Variants in FAM98B observed in about 807,000 individuals in gnomAD.
FAM98B encodes tRNA-splicing ligase complex subunit FAM98B.
FAM98B carries 32 observed loss-of-function variants against 43.9 expected under a neutral mutation model. That is an observed-to-expected ratio of 0.73 (90% CI 0.55 to 0.98). The LOEUF is 0.98. FAM98B is among the 50% of genes least tolerant of loss of function. The pLI, the probability that FAM98B is intolerant of heterozygous loss-of-function variation, is 0.00. For missense variants in FAM98B, 514 were observed against 522.9 expected, an observed-to-expected ratio of 0.98 and a Z score of 0.17; for synonymous variants, 190 against 174.0, an observed-to-expected ratio of 1.09 and a Z score of -0.72.
At chr15:38,458,341 C>T (rs762040197) in intron 1 of FAM98B, among the ~76,000 whole-genome samples, 6 of 152,204 alleles carry the variant, frequency 3.9e-5, no homozygotes, top group Admixed American at 1.3e-4. Flanking sequence ...CTTTATAACA[C>T]TGAGGAAAGG....
intron 6 of FAM98B, among the ~76,000 whole-genome samples, chr15:38,476,496 C>T (rs62002944): frequency 0.011 from 1,742 of 151,678 alleles, 20 homozygotes; most frequent in Non-Finnish European, 0.019. Flanking sequence ...TCTAGATAGA[C>T]TCGCTTAAGT....
intron 3 of FAM98B, among the ~76,000 whole-genome samples, chr15:38,467,826 C>G (rs1890061660): frequency 6.6e-6 from 1 of 152,088 alleles, no homozygotes; most frequent in Non-Finnish European, 1.5e-5. Context: ...AGGAAGAATG[C>G]AGATAAATCA....
chr15:38,454,222 G>C lies in FAM98B; in HGVS notation c.61G>C (p.Glu21Gln), dbSNP rs1889811373. Residue 21 changes from glutamate to glutamine, a missense_variant, in exon 1 of 8, where the codon GAG (glutamate) becomes CAG (glutamine). This residue lies in a region of FAM98B where 469 missense variants were observed against 451.8 expected (regional missense o/e 1.04). Coordinates refer to ENST00000397609, the MANE Select transcript of FAM98B (RefSeq NM_173611.4). ...TMEGDVLDTLEALGYKGPLLE... is the reference protein window; with the variant it reads ...TMEGDVLDTLQALGYKGPLLE... ...GGAGGGAGACGTGCTGGACACACTG[G>C]AGGCGCTGGGGTGAGTGCTTTTGGA... 1 of 1,602,880 alleles carries C rather than the reference G, an allele frequency of 6.2e-7. No homozygotes were observed. The highest frequency in any genetic ancestry group is 8.5e-7 in the Non-Finnish European group (1 of 1,176,120).
intron 1 of FAM98B, among the ~76,000 whole-genome samples, chr15:38,457,600 G>A (rs1045330945): frequency 1.3e-4 from 20 of 152,162 alleles, no homozygotes; most frequent in African/African-American, 4.6e-4. Flanking sequence ...AGGGTGCAAG[G>A]GGGGCTGAGT....
chr15:38,454,354 C>T (rs375106867), intron 1 of FAM98B, 122 bp downstream of exon 1: 3 of 972,616 alleles, frequency 3.1e-6, no homozygotes, highest in Non-Finnish European at 4.7e-6. Flanking sequence ...CCTTCCCTGC[C>T]TCGATCCCTC....
chr15:38,457,549 G>T (rs978066084), intron 1 of FAM98B, among the ~76,000 whole-genome samples: 1 of 152,156 alleles, frequency 6.6e-6, no homozygotes, highest in Non-Finnish European at 1.5e-5. Flanking sequence ...CACATGTTTG[G>T]ATAAGTGATT....
intron 1 of FAM98B, among the ~76,000 whole-genome samples, chr15:38,460,123 A>G (rs1483320117): frequency 1.3e-5 from 2 of 152,216 alleles, no homozygotes; most frequent in African/African-American, 2.4e-5. Flanking sequence ...ACCAGCAACT[A>G]TGCTTCCAGG....
In FAM98B at chr15:38,465,388, T is replaced by C; in HGVS notation, c.337T>C (p.Cys113Arg). The C allele has an allele frequency of 1.3e-6, 2 of 1,593,682 alleles. No individual in the cohort carries two copies. The highest frequency in any genetic ancestry group is 1.7e-6 in the Non-Finnish European group (2 of 1,171,740). ...IKDRLKKKED[C>R]LKLLLFLSTE... ...AGATCGTTTAAAAAAGAAGGAGGAC[T>C]GTTTGAAACTTCTATGTAAGTTATC... The change falls in exon 3 of 8, where the codon TGT (cysteine) becomes CGT (arginine). Residue 113 changes from cysteine to arginine, a missense_variant. Coordinates refer to ENST00000397609, the MANE Select transcript of FAM98B (RefSeq NM_173611.4).
chr15:38,485,215 A>T lies in FAM98B; in HGVS notation c.*556A>T, dbSNP rs1375095326. On this transcript the variant is annotated 3_prime_UTR_variant, in exon 8 of 8. Transcript: ENST00000397609. ...TATAGGAGGAGATTCCTCTCTAGCC[A>T]TGTTTCTGTTAAAGTTTCATTAATT... 1 of 152,162 alleles carries T rather than the reference A, an allele frequency of 6.6e-6. No individual in the cohort carries two copies. Among genetic ancestry groups the T allele is most frequent in the Non-Finnish European group, 1.5e-5 (1 of 68,026 alleles). The allele number at this position is 152,162 out of a possible 1,614,324, so 9.4% of individuals were successfully genotyped here. A position where few individuals can be genotyped will look rare whatever the true frequency, so the allele number is the denominator to read the frequency against.
intron 1 of FAM98B, chr15:38,458,879 T>C: frequency 2.2e-6 from 1 of 451,470 alleles, no homozygotes; most frequent in Non-Finnish European, 4.4e-6. Flanking sequence ...CACTGCATTC[T>C]CTGGGTGGAA....
At position 38,484,605 on chromosome 15, in the gene FAM98B, A is replaced by AGGTGGTGGTGGT; in HGVS notation, c.1266_1277dup (p.Gly426_Gly429dup). ...GAGGCTATGGAGATCCATATGGAGG[A>AGGTGGTGGTGGT]GGTGGTGGTGGTGGTGGTGGTGGTG... On this transcript the variant is annotated inframe_insertion, in exon 8 of 8. Coordinates refer to ENST00000397609, the MANE Select transcript of FAM98B (RefSeq NM_173611.4). 1.9e-6 allele frequency: 2 copies of AGGTGGTGGTGGT among 1,049,620 alleles called. No individual in the cohort carries two copies. Among genetic ancestry groups the AGGTGGTGGTGGT allele is most frequent in the Non-Finnish European group, 1.2e-6 (1 of 805,030 alleles). The allele number at this position is 1,049,620 out of a possible 1,614,324, so 65.0% of individuals were successfully genotyped here.
At chr15:38,481,239 T>C in intron 6 of FAM98B, 53 bp from the exon 7 acceptor site, 2 of 1,446,180 alleles carry the variant, frequency 1.4e-6, no homozygotes, top group Non-Finnish European at 1.9e-6. Context: ...TTGTTTTTGC[T>C]CTTTCATTAA....
chr15:38,470,556 A>G, intron 4 of FAM98B, 151 bp downstream of exon 4: 1 of 612,758 alleles, frequency 1.6e-6, no homozygotes, highest in Non-Finnish European at 2.6e-6. Context: ...ATTCAGACTT[A>G]ACAGGCATGT....
intron 1 of FAM98B, among the ~76,000 whole-genome samples, chr15:38,455,067 C>T (rs1050186468): frequency 6.6e-6 from 1 of 152,190 alleles, no homozygotes; most frequent in African/African-American, 2.4e-5. Flanking sequence ...TTGAACTCTG[C>T]TTCTCCCTCG....
intron 4 of FAM98B, chr15:38,470,769 T>TA (rs1253882219): frequency 1.3e-5 from 2 of 158,496 alleles, no homozygotes; most frequent in Admixed American, 6.5e-5. Flanking sequence ...CTAAACTTTT[T>TA]AAAAAATGGA....
intron 5 of FAM98B, among the ~76,000 whole-genome samples, chr15:38,473,970 T>C (rs1385264476): frequency 6.6e-6 from 1 of 152,210 alleles, no homozygotes; most frequent in Non-Finnish European, 1.5e-5. Flanking sequence ...GGAGTTTAAT[T>C]TGTATGTTTA....
intron 4 of FAM98B, among the ~76,000 whole-genome samples, chr15:38,472,210 A>C (rs1277440004): frequency 6.6e-6 from 1 of 152,184 alleles, no homozygotes; most frequent in Non-Finnish European, 1.5e-5. Context: ...TACACGTAAC[A>C]AACTACAAGT....
intron 6 of FAM98B, among the ~76,000 whole-genome samples, chr15:38,481,010 T>A (rs1241542681): frequency 1.3e-5 from 2 of 152,144 alleles, no homozygotes; most frequent in Non-Finnish European, 2.9e-5. Flanking sequence ...GTGGTTTTGG[T>A]AAAACTATTT....
At chr15:38,468,923 T>G (rs1278868899) in intron 3 of FAM98B, among the ~76,000 whole-genome samples, 4 of 152,318 alleles carry the variant, frequency 2.6e-5, no homozygotes, top group Non-Finnish European at 4.4e-5. Context: ...TATGTATTTT[T>G]TGAGATGGAA....
Sources: allele counts gnomAD v4.1 joint callset (sites outside exome capture counted in the v4.1 genomes callset), GRCh38; gene constraint gnomAD v4.1.1; regional missense constraint gnomAD v4.1.1; transcripts MANE v1.5; gene names NCBI Gene and HGNC (gene_info 2026-07-23, HGNC 2026-07-21).